PCNX2: variants seen among roughly 807,000 people sequenced by gnomAD.
The protein encoded by PCNX2 is pecanex-like protein 2.
A neutral mutation model predicts 223.8 loss-of-function variants in PCNX2; 168 were observed. The ratio of observed to expected loss-of-function variants is 0.75; its 90% CI spans 0.66 to 0.85. The LOEUF is 0.85. Among genes scored for constraint, PCNX2 ranks in the 40% least tolerant of loss-of-function variants. The pLI is 0.00. For missense variants in PCNX2, 2,507 were observed against 2,675.5 expected (o/e 0.94, Z 1.39); for synonymous variants, 1,006 against 1,052.6 (o/e 0.96, Z 0.86).
Position 233,001,860 on chromosome 1 carries a change from G to T in PCNX2, c.4953-179C>A, listed in dbSNP as rs1670100477. Reference sequence around the variant, plus strand: ...TGCCTACCCCTACAGCCCATGTTTGGGCCCTCATAAGTGCTAGTGTCATGG... The same window carrying T: ...TGCCTACCCCTACAGCCCATGTTTGTGCCCTCATAAGTGCTAGTGTCATGG... On this transcript the variant is annotated intron_variant, in intron 28 of 33. Transcript: ENST00000258229. The surrounding 1 kb of genome is among the most constrained non-coding windows in gnomAD (Gnocchi z 4.2). Among the ~76,000 whole-genome samples, 1 of 152,060 alleles carries T rather than the reference G, an allele frequency of 6.6e-6. No homozygotes were observed. Among genetic ancestry groups the T allele is most frequent in the Non-Finnish European group, 1.5e-5 (1 of 68,012 alleles).
At chr1:233,118,690 TA>T (rs1442810540) in intron 21 of PCNX2, among the ~76,000 whole-genome samples, 2 of 151,990 alleles carry the variant, frequency 1.3e-5, no homozygotes, top group South Asian at 4.1e-4. Context: ...AGCTAAAAGT[TA>T]AAAAAACTCT....
At chr1:233,177,014 G>GA (rs1231461373) in intron 17 of PCNX2, among the ~76,000 whole-genome samples, 6 of 149,990 alleles carry the variant, frequency 4.0e-5, no homozygotes, top group South Asian at 2.1e-4. Context: ...TGTCTCTAAA[G>GA]AAAAAAAAAG....
intron 23 of PCNX2, among the ~76,000 whole-genome samples, chr1:233,084,906 A>G (rs1259506755): frequency 6.6e-6 from 1 of 152,214 alleles, no homozygotes; most frequent in Non-Finnish European, 1.5e-5. Flanking sequence ...AGAGCTCATC[A>G]AGACAGATTT....
chr1:233,015,719 A>G (rs1670633275), intron 27 of PCNX2, among the ~76,000 whole-genome samples: 1 of 151,900 alleles, frequency 6.6e-6, no homozygotes, highest in Non-Finnish European at 1.5e-5. Context: ...AAAAAAATAT[A>G]ATAAATTAGC....
intron 25 of PCNX2, among the ~76,000 whole-genome samples, chr1:233,052,531 C>CACCAG (rs1672044099): frequency 6.6e-6 from 1 of 152,220 alleles, no homozygotes; most frequent in South Asian, 2.1e-4. Flanking sequence ...CTGACCCAGA[C>CACCAG]TCCAACCTGA....
chr1:233,209,299 C>T (rs528153236), intron 12 of PCNX2, among the ~76,000 whole-genome samples: 1 of 152,244 alleles, frequency 6.6e-6, no homozygotes, highest in Admixed American at 6.5e-5. Flanking sequence ...ATTTAGCAGA[C>T]CTGATCTTAT....
At chr1:233,023,906 T>C (rs1670993019) in intron 26 of PCNX2, among the ~76,000 whole-genome samples, 1 of 152,182 alleles carries the variant, frequency 6.6e-6, no homozygotes, top group Non-Finnish European at 1.5e-5. Flanking sequence ...TATCTTCTGC[T>C]TCCATGTAGC....
chr1:233,116,064 A>G (rs1675389127), intron 21 of PCNX2, among the ~76,000 whole-genome samples: 2 of 152,156 alleles, frequency 1.3e-5, no homozygotes, highest in Non-Finnish European at 2.9e-5. Flanking sequence ...AAAAGCATCA[A>G]TCCACCAAGA....
intron 21 of PCNX2, among the ~76,000 whole-genome samples, chr1:233,105,243 A>G (rs1174169064): frequency 6.6e-6 from 1 of 152,222 alleles, no homozygotes; most frequent in Non-Finnish European, 1.5e-5. Context: ...ATAATGATAT[A>G]GTATTAGGAA....
chr1:233,145,525 C>T (rs1677391090), intron 19 of PCNX2, among the ~76,000 whole-genome samples: 1 of 152,074 alleles, frequency 6.6e-6, no homozygotes, highest in African/African-American at 2.4e-5. Context: ...GTGCTAGATG[C>T]TTTCCTGGAA....
chr1:233,242,598 G>A (rs1385862822), intron 8 of PCNX2, among the ~76,000 whole-genome samples: 1 of 152,048 alleles, frequency 6.6e-6, no homozygotes, highest in Non-Finnish European at 1.5e-5. Flanking sequence ...TATATTACTT[G>A]GATTCATTTA....
At position 233,241,655 on chromosome 1, in the gene PCNX2, T is replaced by C. The variant is rs954526400; in HGVS notation, c.2223-4675A>G. On this transcript the variant is annotated intron_variant, in intron 8 of 33. Transcript: ENST00000258229. ...TTTCAAATTTGAAGCAGCAAATACCTATCTCTCTACTATCCAAATTAAGTG... is the reference window on the plus strand; with the variant it reads ...TTTCAAATTTGAAGCAGCAAATACCCATCTCTCTACTATCCAAATTAAGTG... 6.6e-5 allele frequency among the ~76,000 whole-genome samples: 10 copies of C among 152,194 alleles called. No individual in the cohort carries two copies. In the East Asian group the frequency reaches 1.9e-3, roughly 29 times the overall value.
chr1:233,252,666 T>G lies in PCNX2; in HGVS notation c.1957A>C (p.Thr653Pro), dbSNP rs367573468. 2 of 1,613,158 alleles carry G rather than the reference T, an allele frequency of 1.2e-6. No homozygotes were observed. The highest frequency in any genetic ancestry group is 3.3e-5 in the Admixed American group (2 of 59,828). The change falls in exon 6 of 34, where the codon ACT becomes CCT. Residue 653 changes from threonine (T) to proline (P), a missense_variant. Thr to Pro is a conservative substitution (Grantham distance 38, BLOSUM62 -1). Coordinates refer to ENST00000258229, the MANE Select transcript of PCNX2 (RefSeq NM_014801.4). Reference sequence around the variant, plus strand: ...AAGGCTGTGGTCTTGGCAGGCTGAGTGCATGCGGGGCCGGTGCTAGTATGG... The same window carrying G: ...AAGGCTGTGGTCTTGGCAGGCTGAGGGCATGCGGGGCCGGTGCTAGTATGG... Reference protein sequence around the residue: ...QDHTSTGPACTQPAKTTAFFQ... With the variant: ...QDHTSTGPACPQPAKTTAFFQ...
At chr1:233,119,699 GT>G (rs1675655127) in intron 21 of PCNX2, among the ~76,000 whole-genome samples, 1 of 151,834 alleles carries the variant, frequency 6.6e-6, no homozygotes, top group Non-Finnish European at 1.5e-5. Flanking sequence ...CAGGCAAAGA[GT>G]TTTTTGCACT....
chr1:233,172,332 A>G (rs780919836), intron 17 of PCNX2: 4 of 981,708 alleles, frequency 4.1e-6, no homozygotes, highest in Non-Finnish European at 4.8e-6. Flanking sequence ...TTCTGCCATG[A>G]GGCGTTTCCA....
chr1:233,072,215 G>T (rs560451384), intron 23 of PCNX2, among the ~76,000 whole-genome samples: 1 of 152,236 alleles, frequency 6.6e-6, no homozygotes, highest in African/African-American at 2.4e-5. Flanking sequence ...TGAAATCTTT[G>T]TCTGTTCCTA....
chr1:233,070,173 A>G (rs1463470744), intron 23 of PCNX2, among the ~76,000 whole-genome samples: 4 of 152,202 alleles, frequency 2.6e-5, no homozygotes, highest in African/African-American at 9.6e-5. Flanking sequence ...TATGAAATAC[A>G]TAATTTTAAA....
rs1269343680 is a variant in PCNX2, at chr1:233,212,916, C to A, written c.2692-4227G>T. ...TTCCTCTGATAAGCACTACATTAGCCAGGTGATCAAGGTCAACATCAACAG... is the reference window on the plus strand; with the variant it reads ...TTCCTCTGATAAGCACTACATTAGCAAGGTGATCAAGGTCAACATCAACAG... On this transcript the variant is annotated intron_variant, in intron 12 of 33. Coordinates refer to ENST00000258229, the MANE Select transcript of PCNX2 (RefSeq NM_014801.4). Among the ~76,000 whole-genome samples, 3 of 152,128 alleles carry A rather than the reference C, an allele frequency of 2.0e-5. No homozygotes were observed. In the East Asian group the frequency reaches 5.8e-4, roughly 29 times the overall value.
chr1:233,059,598 A>G (rs969312896), intron 23 of PCNX2, among the ~76,000 whole-genome samples: 1 of 152,222 alleles, frequency 6.6e-6, no homozygotes, highest in African/African-American at 2.4e-5. Flanking sequence ...TGACTCTTAC[A>G]TCAGTCCCTA....
Sources: allele counts gnomAD v4.1 joint callset (sites outside exome capture counted in the v4.1 genomes callset), GRCh38; gene constraint gnomAD v4.1.1; non-coding constraint Gnocchi (gnomAD v3.1); transcripts MANE v1.5; gene names NCBI Gene and HGNC (gene_info 2026-07-23, HGNC 2026-07-21).